KCNN2: variants seen among roughly 807,000 people sequenced by gnomAD.
The protein encoded by KCNN2 is small conductance calcium-activated potassium channel protein 2.
In KCNN2, 24 loss-of-function variants were observed where a neutral mutation model predicts 55.5. That is an observed-to-expected ratio of 0.43 (90% CI 0.31 to 0.61). KCNN2 has a LOEUF of 0.61. Ranked by LOEUF, KCNN2 falls within the 20% of genes least tolerant of loss-of-function variation. The pLI, the probability that KCNN2 is intolerant of heterozygous loss-of-function variation, is 0.08. For missense variants in KCNN2, 754 were observed against 853.6 expected (o/e 0.88, Z 1.45); for synonymous variants, 431 against 336.1 (o/e 1.28, Z -3.09).
intron 1 of KCNN2, among the ~76,000 whole-genome samples, chr5:114,151,979 A>G (rs1752538509): frequency 6.6e-6 from 1 of 152,212 alleles, no homozygotes; most frequent in Non-Finnish European, 1.5e-5. Flanking sequence ...AGGCAGTGCC[A>G]GATATATTAT....
Position 114,362,745 on chromosome 5 carries a change from C to A in KCNN2, c.606C>A (p.Arg202=). Residue 202 remains arginine, a synonymous_variant, in exon 1 of 8, where the codon CGC becomes CGA. Coordinates refer to ENST00000673685, the MANE Select transcript of KCNN2 (RefSeq NM_021614.4). ...AHHQHHQPQA[R]RESNPFTEIA... is the part of the protein sequence containing the mutation. ...ACCAGCACCACCAGCCCCAGGCGCG[C>A]CGCGAGAGCAACCCCTTCACCGAAA... is the stretch of plus-strand genomic sequence containing the variant. 6.5e-7 allele frequency: 1 copy of A among 1,543,176 alleles called. No individual in the cohort carries two copies. The highest frequency in any genetic ancestry group is 8.7e-7 in the Non-Finnish European group (1 of 1,151,906).
intron 2 of KCNN2, among the ~76,000 whole-genome samples, chr5:114,348,350 C>G (rs1403687175): frequency 6.6e-6 from 1 of 151,822 alleles, no homozygotes; most frequent in Non-Finnish European, 1.5e-5. Context: ...TGCAGCACAC[C>G]AGCATGGCAC....
chr5:114,283,679 A>G (rs551075118), intron 2 of KCNN2, among the ~76,000 whole-genome samples: 5 of 152,308 alleles, frequency 3.3e-5, no homozygotes, highest in Non-Finnish European at 5.9e-5. Context: ...CTTCTTCCAG[A>G]TATTTGGAAG....
rs996651272 is a variant in KCNN2, at chr5:114,340,368, A to G, written c.-184-20577A>G. ...TTTTTAGCCCACTGATTATGTGCCA[A>G]ATGGCTGTGATCTAAAAATTGTTTA... is the stretch of plus-strand genomic sequence containing the variant. On this transcript the variant is annotated intron_variant, in intron 2 of 10. Transcript: ENST00000512097. Among the ~76,000 whole-genome samples, 33 of 152,250 alleles carry G rather than the reference A, an allele frequency of 2.2e-4. 1 individual carries two copies. The highest frequency in any genetic ancestry group is 7.7e-4 in the African/African-American group (32 of 41,540).
chr5:114,341,512 A>G (rs2150036624), intron 2 of KCNN2, among the ~76,000 whole-genome samples: 1 of 152,274 alleles, frequency 6.6e-6, no homozygotes, highest in Middle Eastern at 3.4e-3. Context: ...TATCACAACC[A>G]GATTATCACT....
Position 114,493,488 on chromosome 5 carries a change from T to C in KCNN2, c.2088+16T>C. ...CTTGGCAAAGGTAAGCCTGAGGTGC[T>C]TAGCCCTCCTAGTTGCATCTGTTGA... On this transcript the variant is annotated intron_variant, in intron 7 of 7. Transcript: ENST00000673685. The C allele has an allele frequency of 1.3e-6, 2 of 1,582,862 alleles. No individual in the cohort carries two copies. Among genetic ancestry groups the C allele is most frequent in the Non-Finnish European group, 1.7e-6 (2 of 1,151,826 alleles).
At chr5:114,256,312 C>G (rs892613307) in intron 2 of KCNN2, among the ~76,000 whole-genome samples, 18 of 152,102 alleles carry the variant, frequency 1.2e-4, no homozygotes, top group African/African-American at 4.3e-4. Context: ...CATAGCTTGG[C>G]TATTAGGAAG....
chr5:114,286,295 G>T (rs763294617), intron 2 of KCNN2, among the ~76,000 whole-genome samples: 1 of 152,124 alleles, frequency 6.6e-6, no homozygotes, highest in Non-Finnish European at 1.5e-5. Flanking sequence ...GATGGGTTTA[G>T]TTTTGAACAT....
chr5:114,217,306 A>C (rs1754026290), intron 1 of KCNN2, among the ~76,000 whole-genome samples: 1 of 152,164 alleles, frequency 6.6e-6, no homozygotes, highest in African/African-American at 2.4e-5. Flanking sequence ...ACAATACCGA[A>C]GAAAAACAAA....
At chr5:114,371,695 A>C (rs1376911552) in intron 2 of KCNN2, among the ~76,000 whole-genome samples, 2 of 152,316 alleles carry the variant, frequency 1.3e-5, no homozygotes, top group Middle Eastern at 3.4e-3. Context: ...CATTAGATCC[A>C]TTTAAATGCC....
intron 1 of KCNN2, among the ~76,000 whole-genome samples, chr5:114,064,204 G>A (rs1359029299): frequency 6.6e-6 from 1 of 152,158 alleles, no homozygotes; most frequent in Non-Finnish European, 1.5e-5. Context: ...TCCAAAGATG[G>A]CAGCTACTAG....
intron 2 of KCNN2, among the ~76,000 whole-genome samples, chr5:114,355,985 G>A (rs966219112): frequency 2.0e-5 from 3 of 152,080 alleles, no homozygotes; most frequent in East Asian, 1.9e-4. Context: ...GTCAACAAGA[G>A]GACAATAGTT....
At chr5:114,359,218 T>G (rs1433392384), upstream of KCNN2, among the ~76,000 whole-genome samples, 2 of 152,196 alleles carry the variant, frequency 1.3e-5, no homozygotes, top group Non-Finnish European at 2.9e-5. Context: ...GAAGTAGTAT[T>G]AGTCTGAGTT....
chr5:114,475,816 A>G (rs553019233), intron 5 of KCNN2, among the ~76,000 whole-genome samples: 44 of 152,188 alleles, frequency 2.9e-4, no homozygotes, highest in African/African-American at 9.6e-4. Flanking sequence ...TTCAGTTTTT[A>G]TGAATGAAAA....
At chr5:114,393,026 C>T (rs1047893369) in intron 2 of KCNN2, among the ~76,000 whole-genome samples, 1 of 152,026 alleles carries the variant, frequency 6.6e-6, no homozygotes, top group East Asian at 1.9e-4. Context: ...CATGATGGAG[C>T]CTCCTCTGAT....
intron 4 of KCNN2, among the ~76,000 whole-genome samples, chr5:114,468,916 G>C: frequency 6.6e-6 from 1 of 152,064 alleles, no homozygotes; most frequent in South Asian, 2.1e-4. Context: ...AGATGATTTA[G>C]GGCAAAAATG....
intron 1 of KCNN2, among the ~76,000 whole-genome samples, chr5:114,129,973 T>TAGAA (rs1561487708): frequency 2.6e-5 from 4 of 152,332 alleles, no homozygotes; most frequent in Admixed American, 2.6e-4. Context: ...CTCCCATCTC[T>TAGAA]ACTCTTGTTT....
chr5:114,148,075 T>C (rs1561495495), intron 1 of KCNN2, among the ~76,000 whole-genome samples: 1 of 152,334 alleles, frequency 6.6e-6, no homozygotes, highest in East Asian at 1.9e-4. Flanking sequence ...GTAGGACTGT[T>C]AATCATTCCT....
chr5:114,467,558 G>A (rs1761514306), intron 4 of KCNN2, among the ~76,000 whole-genome samples: 1 of 152,068 alleles, frequency 6.6e-6, no homozygotes, highest in Non-Finnish European at 1.5e-5. Flanking sequence ...ATATCTTTAA[G>A]TTCTTACATA....
Sources: gnomAD v4.1 joint callset for allele counts (sites outside exome capture counted in the v4.1 genomes callset) on GRCh38, gnomAD v4.1.1 for gene constraint, MANE v1.5 for transcripts, NCBI Gene and HGNC (gene_info 2026-07-23, HGNC 2026-07-21) for gene names.